The following NEBL variants were observed in gnomAD, a reference collection of about 807,000 sequenced individuals.
NEBL encodes the protein LIM and SH3 protein 2.
In NEBL, 122 loss-of-function variants were observed where a neutral mutation model predicts 140.2. The ratio of observed to expected loss-of-function variants is 0.87; its 90% CI spans 0.75 to 1.01. The LOEUF is 1.01. Ranked by LOEUF, NEBL falls within the 50% of genes least tolerant of loss-of-function variation. The pLI is 0.00. For synonymous variants in NEBL, 436 were observed against 398.9 expected, an observed-to-expected ratio of 1.09 and a Z score of -1.11; for missense variants, 1,365 against 1,231.3, an observed-to-expected ratio of 1.11 and a Z score of -1.62.
At chr10:20,854,313 A>T (rs185390932) in intron 9 of NEBL, among the ~76,000 whole-genome samples, 208 of 152,222 alleles carry the variant, frequency 1.4e-3, no homozygotes, top group African/African-American at 3.8e-3. Context: ...ATCTTAGGGG[A>T]TACTCCAGGG....
intron 1 of NEBL, among the ~76,000 whole-genome samples, chr10:21,256,544 T>C (rs1842661975): frequency 6.6e-6 from 1 of 152,156 alleles, no homozygotes; most frequent in African/African-American, 2.4e-5. Context: ...AAAACAAAGA[T>C]AACAGGCTGG....
At chr10:20,849,275 C>T (rs1842267805) in intron 11 of NEBL, among the ~76,000 whole-genome samples, 5 of 151,924 alleles carry the variant, frequency 3.3e-5, no homozygotes, top group Admixed American at 1.3e-4. Context: ...TGGGGAATAT[C>T]GAGATGTTAC....
intron 21 of NEBL, among the ~76,000 whole-genome samples, chr10:20,815,990 A>G (rs1005375265): frequency 6.6e-6 from 1 of 150,690 alleles, no homozygotes; most frequent in African/African-American, 2.4e-5. Context: ...CTGACCTGAA[A>G]CTCCTGGGCT....
chr10:20,814,617 T>TACACACACACACAC (rs3990287), intron 22 of NEBL, among the ~76,000 whole-genome samples: 10,249 of 146,414 alleles, frequency 0.07, 987 homozygotes, highest in African/African-American at 0.22. Context: ...CATACACACA[T>TACACACACACACAC]ACACACACAC....
chr10:20,845,325 G>C lies in NEBL; in HGVS notation c.1160C>G (p.Ser387Ter), dbSNP rs1841804910. Residue 387 changes from serine to a stop codon, truncating the protein, a stop_gained, in exon 12 of 28, where the codon TCA becomes TGA. Coordinates refer to ENST00000377122, the MANE Select transcript of NEBL (RefSeq NM_006393.3). LOFTEE classifies it high-confidence loss of function. ...EDFEKEIKGR[S>*]SLDLDKTPEF... Reference sequence around the variant, plus strand: ...TGGAGTCTTGTCTAAATCCAGTGATGACCTTCCTTTAATCTCCTTCTCAAA... The same window carrying C: ...TGGAGTCTTGTCTAAATCCAGTGATCACCTTCCTTTAATCTCCTTCTCAAA... 1 of 1,605,982 alleles carries C rather than the reference G, an allele frequency of 6.2e-7. No individual in the cohort carries two copies. The highest frequency in any genetic ancestry group is 8.5e-7 in the Non-Finnish European group (1 of 1,173,088).
chr10:20,974,495 C>T (rs1004212594), intron 3 of NEBL, among the ~76,000 whole-genome samples: 3 of 152,048 alleles, frequency 2.0e-5, no homozygotes, highest in Non-Finnish European at 4.4e-5. Flanking sequence ...GTAATCTGTC[C>T]ACCTCAACCT....
At chr10:21,053,195 C>A (rs763048516) in intron 2 of NEBL, among the ~76,000 whole-genome samples, 5 of 152,142 alleles carry the variant, frequency 3.3e-5, no homozygotes, top group Non-Finnish European at 7.3e-5. Context: ...AAAGAATTCA[C>A]TGACAACGTT....
At chr10:21,164,918 G>A (rs1239490349) in intron 2 of NEBL, among the ~76,000 whole-genome samples, 1 of 152,226 alleles carries the variant, frequency 6.6e-6, no homozygotes, top group East Asian at 1.9e-4. Flanking sequence ...CATGAGGTAT[G>A]TAACTAAAAA....
chr10:21,188,003 G>T (rs907297741), intron 3 of NEBL, among the ~76,000 whole-genome samples: 1 of 152,002 alleles, frequency 6.6e-6, no homozygotes, highest in Non-Finnish European at 1.5e-5. Flanking sequence ...TTTCTCTCTC[G>T]GGCTTGTCTT....
chr10:20,989,241 C>T (rs1272529179), intron 3 of NEBL, among the ~76,000 whole-genome samples: 1 of 152,140 alleles, frequency 6.6e-6, no homozygotes, highest in East Asian at 1.9e-4. Flanking sequence ...ACCATTTCCC[C>T]CCAACTTACC....
At chr10:21,190,328 A>AT (rs397845340) in intron 3 of NEBL, among the ~76,000 whole-genome samples, 2 of 151,934 alleles carry the variant, frequency 1.3e-5, no homozygotes, top group Non-Finnish European at 2.9e-5. Context: ...AAAAAAAAAA[A>AT]TGTTTAATTA....
At chr10:21,290,652 A>G (rs1248046059) in intron 1 of NEBL, among the ~76,000 whole-genome samples, 2 of 152,206 alleles carry the variant, frequency 1.3e-5, no homozygotes, top group South Asian at 4.2e-4. Context: ...TATCTACATA[A>G]TAAGACAACC....
chr10:21,110,598 T>C, intron 2 of NEBL: 2 of 265,304 alleles, frequency 7.5e-6, no homozygotes. Flanking sequence ...CTGGTGTGAT[T>C]CTGTCCTGTA....
At chr10:21,044,397 T>TAAA (rs57176129) in intron 2 of NEBL, among the ~76,000 whole-genome samples, 9,897 of 34,876 alleles carry the variant, frequency 0.28, 3,428 homozygotes, top group Non-Finnish European at 0.34. Flanking sequence ...AGAGTAAGAA[T>TAAA]AAAAAAAAAA....
intron 2 of NEBL, among the ~76,000 whole-genome samples, chr10:21,025,918 TATC>T (rs1839010030): frequency 6.6e-6 from 1 of 152,180 alleles, no homozygotes; most frequent in African/African-American, 2.4e-5. Flanking sequence ...ATAATATTAT[TATC>T]ACTATTACTA....
chr10:20,979,031 CT>C (rs1198942492), intron 3 of NEBL, among the ~76,000 whole-genome samples: 1 of 152,032 alleles, frequency 6.6e-6, no homozygotes, highest in African/African-American at 2.4e-5. Flanking sequence ...TTCTATTTCT[CT>C]AGCTGAATCA....
At chr10:20,938,034 G>T (rs10828158) in intron 4 of NEBL, among the ~76,000 whole-genome samples, 96,511 of 152,052 alleles carry the variant, frequency 0.63, 30,923 homozygotes, top group Non-Finnish European at 0.67. Context: ...CCAAACAAAA[G>T]GCAGCAGAAT....
intron 1 of NEBL, among the ~76,000 whole-genome samples, chr10:21,284,129 G>A (rs1351234549): frequency 7.9e-6 from 1 of 126,128 alleles, no homozygotes; most frequent in East Asian, 2.6e-4. Context: ...AGAATCTGTA[G>A]AACCCAGGAG....
chr10:20,838,436 G>T (rs886901334), intron 13 of NEBL, among the ~76,000 whole-genome samples: 1 of 152,186 alleles, frequency 6.6e-6, no homozygotes, highest in African/African-American at 2.4e-5. Flanking sequence ...AAACTTGAAT[G>T]GATAAGGAGT....
Sources: gnomAD v4.1 joint callset for allele counts (sites outside exome capture counted in the v4.1 genomes callset) on GRCh38, gnomAD v4.1.1 for gene constraint, MANE v1.5 for transcripts, NCBI Gene and HGNC (gene_info 2026-07-23, HGNC 2026-07-21) for gene names.